The following FAM210A variants were observed in gnomAD, a reference collection of about 807,000 sequenced individuals.
FAM210A encodes the protein family with sequence similarity 210 member A.
A neutral mutation model predicts 25.3 loss-of-function variants in FAM210A; 13 were observed. The ratio of observed to expected loss-of-function variants is 0.51; its 90% CI spans 0.33 to 0.82. The LOEUF is 0.82. Ranked by LOEUF, FAM210A falls within the 40% of genes least tolerant of loss-of-function variation. The pLI is 0.02. For missense variants in FAM210A, 319 were observed against 323.2 expected (o/e 0.99, Z 0.10); for synonymous variants, 125 against 118.7 (o/e 1.05, Z -0.35).
intron 1 of FAM210A, among the ~76,000 whole-genome samples, chr18:13,702,007 T>C (rs1478470750): frequency 6.6e-6 from 1 of 152,180 alleles, no homozygotes; most frequent in Admixed American, 6.5e-5. Flanking sequence ...ATGCAGCTGG[T>C]TGGGCAGCAA....
chr18:13,700,562 C>T, intron 1 of FAM210A, among the ~76,000 whole-genome samples: 1 of 152,234 alleles, frequency 6.6e-6, no homozygotes, highest in Admixed American at 6.5e-5. Flanking sequence ...ATCTCCCTGT[C>T]ACCAGACTTT....
intron 1 of FAM210A, among the ~76,000 whole-genome samples, chr18:13,724,784 A>T (rs2043920972): frequency 6.6e-6 from 1 of 152,080 alleles, no homozygotes; most frequent in African/African-American, 2.4e-5. Context: ...TGTTTTGTTT[A>T]GTTTTTTTTG....
At chr18:13,711,090 G>A (rs2043817737) in intron 1 of FAM210A, among the ~76,000 whole-genome samples, 1 of 152,172 alleles carries the variant, frequency 6.6e-6, no homozygotes, top group East Asian at 1.9e-4. Flanking sequence ...CAACAGCCTT[G>A]GCCTGGCACG....
intron 2 of FAM210A, among the ~76,000 whole-genome samples, chr18:13,676,385 C>T (rs8088925): frequency 9.0e-4 from 88 of 97,510 alleles, no homozygotes; most frequent in Non-Finnish European, 1.1e-3. Context: ...ATTATTAACA[C>T]TCCTGAGCCC....
chr18:13,708,484 C>T (rs921036475), intron 1 of FAM210A, among the ~76,000 whole-genome samples: 1 of 152,172 alleles, frequency 6.6e-6, no homozygotes, highest in African/African-American at 2.4e-5. Flanking sequence ...TAGTGAGTCG[C>T]CCCATTCTGA....
At chr18:13,667,644 G>A (rs1445755803) in intron 3 of FAM210A, among the ~76,000 whole-genome samples, 2 of 152,076 alleles carry the variant, frequency 1.3e-5, no homozygotes, top group Non-Finnish European at 2.9e-5. Context: ...GCTTGAACCC[G>A]GTGGCAGAGG....
intron 2 of FAM210A, among the ~76,000 whole-genome samples, chr18:13,678,980 A>G (rs1404844031): frequency 6.6e-6 from 1 of 152,234 alleles, no homozygotes; most frequent in Non-Finnish European, 1.5e-5. Flanking sequence ...TGGACATAAG[A>G]CACCAGATCT....
chr18:13,683,222 A>G (rs1354008141), intron 1 of FAM210A, among the ~76,000 whole-genome samples: 1 of 152,214 alleles, frequency 6.6e-6, no homozygotes, highest in East Asian at 1.9e-4. Flanking sequence ...AATTGTTGAT[A>G]TTAGTATTAT....
rs1356268168 is a variant in FAM210A, at chr18:13,692,047, G to A, written c.-28-9942C>T. 7.4e-5 allele frequency among the ~76,000 whole-genome samples: 10 copies of A among 135,710 alleles called. 1 individual carries two copies. The South Asian group carries it at 2.5e-3, about 34-fold the overall frequency. 89.0% of individuals were successfully genotyped at this position (135,710 alleles called of 152,430 possible). The stretch of plus-strand genomic sequence containing the variant: ...GACACACACAGACTCAAAATAAAGG[G>A]ATGGAGGAAGATATACTAAGCAAAT... On this transcript the variant is annotated intron_variant, in intron 1 of 3. Transcript: ENST00000651643.
intron 2 of FAM210A, among the ~76,000 whole-genome samples, chr18:13,676,659 G>A (rs552878355): frequency 6.6e-6 from 1 of 152,168 alleles, no homozygotes; most frequent in Non-Finnish European, 1.5e-5. Flanking sequence ...CTAGATTACA[G>A]TTTCCTAAAT....
chr18:13,679,513 A>C (rs1341109232), intron 2 of FAM210A, among the ~76,000 whole-genome samples: 2 of 152,294 alleles, frequency 1.3e-5, no homozygotes, highest in East Asian at 3.9e-4. Context: ...GAATAAATTG[A>C]CTTTCAAATT....
chr18:13,677,608 C>G (rs2043516559), intron 2 of FAM210A, among the ~76,000 whole-genome samples: 1 of 152,134 alleles, frequency 6.6e-6, no homozygotes, highest in Admixed American at 6.5e-5. Context: ...GGGTGTGGCG[C>G]CGGGCTGTCT....
intron 2 of FAM210A, among the ~76,000 whole-genome samples, chr18:13,676,202 C>T (rs1394642927): frequency 9.5e-4 from 119 of 124,634 alleles, no homozygotes; most frequent in Non-Finnish European, 1.4e-3. Flanking sequence ...TATTAACATT[C>T]CTGAGCCCCG....
intron 1 of FAM210A, among the ~76,000 whole-genome samples, chr18:13,709,438 C>T (rs2043805424): frequency 6.6e-6 from 1 of 152,212 alleles, no homozygotes; most frequent in African/African-American, 2.4e-5. Context: ...AGTCATTCTC[C>T]AGATACCTAC....
chr18:13,682,261 A>G (rs1418559321), intron 1 of FAM210A, among the ~76,000 whole-genome samples, 156 bp from the exon 2 acceptor site: 3 of 152,218 alleles, frequency 2.0e-5, no homozygotes, highest in Non-Finnish European at 4.4e-5. Flanking sequence ...GTTTAAGCAC[A>G]GTGTAATTTT....
intron 1 of FAM210A, among the ~76,000 whole-genome samples, chr18:13,684,192 C>T (rs8084629): frequency 0.02 from 3,074 of 152,098 alleles, 104 homozygotes; most frequent in African/African-American, 0.07. Flanking sequence ...GTGAGGAGTT[C>T]GAGACCAGTC....
intron 2 of FAM210A, among the ~76,000 whole-genome samples, chr18:13,677,422 G>A (rs941856866): frequency 3.9e-5 from 6 of 152,144 alleles, no homozygotes; most frequent in African/African-American, 1.4e-4. Flanking sequence ...GCGTGAGAGG[G>A]TCGTGATCGA....
rs61228877 is a variant in FAM210A, at chr18:13,695,378, G to T, written c.-28-13273C>A. Among the ~76,000 whole-genome samples the T allele has an allele frequency of 2.7e-3, 415 of 152,260 alleles. 2 individuals are homozygous for T. Among genetic ancestry groups the T allele is most frequent in the African/African-American group, 9.3e-3 (385 of 41,532 alleles). ...CCCATTACTGGGCATATACCCAAAGGATTATAAATCATGCTGCTATAAAGA... is the reference window on the plus strand; with the variant it reads ...CCCATTACTGGGCATATACCCAAAGTATTATAAATCATGCTGCTATAAAGA... On this transcript the variant is annotated intron_variant, in intron 1 of 3. Coordinates refer to ENST00000651643, the MANE Select transcript of FAM210A (RefSeq NM_152352.4).
intron 1 of FAM210A, among the ~76,000 whole-genome samples, chr18:13,692,963 G>A (rs1367286936): frequency 1.3e-5 from 2 of 152,160 alleles, no homozygotes; most frequent in Non-Finnish European, 2.9e-5. Context: ...CCAGGAGCTG[G>A]TTTTTTGGAA....
Sources: gnomAD v4.1 joint callset for allele counts (sites outside exome capture counted in the v4.1 genomes callset) on GRCh38, gnomAD v4.1.1 for gene constraint, MANE v1.5 for transcripts, NCBI Gene and HGNC (gene_info 2026-07-23, HGNC 2026-07-21) for gene names.